Variants in MANBA observed in about 807,000 individuals in gnomAD.
MANBA encodes beta-mannosidase.
MANBA carries 83 observed loss-of-function variants against 111.1 expected under a neutral mutation model. The observed-to-expected ratio is 0.75, with a 90% confidence interval of 0.63 to 0.90. The LOEUF (loss-of-function observed/expected upper bound fraction) is 0.90. MANBA is among the 40% of genes least tolerant of loss of function. The pLI is 0.00. For missense variants in MANBA, 1,036 were observed against 1,069.0 expected (o/e 0.97, Z 0.43); for synonymous variants, 370 against 378.7 (o/e 0.98, Z 0.27).
chr4:102,712,399 G>A (rs1314619810), intron 5 of MANBA, among the ~76,000 whole-genome samples: 3 of 152,062 alleles, frequency 2.0e-5, no homozygotes, highest in Non-Finnish European at 2.9e-5. Flanking sequence ...AATTAAACCA[G>A]AGCAGTATTA....
At chr4:102,734,351 T>C in intron 1 of MANBA, 1 of 1,606,878 alleles carries the variant, frequency 6.2e-7, no homozygotes, top group Non-Finnish European at 8.5e-7. Context: ...AGCAAGCGAC[T>C]TGGGCCATGG....
At chr4:102,723,079 G>A in intron 3 of MANBA, 38 bp from the exon 4 acceptor site, 1 of 1,579,564 alleles carries the variant, frequency 6.3e-7, no homozygotes, top group Non-Finnish European at 8.7e-7. Flanking sequence ...CCCATGATGT[G>A]GAAGTAGTCT....
At chr4:102,750,725 C>A (rs1723758469) in intron 1 of MANBA, among the ~76,000 whole-genome samples, 1 of 152,076 alleles carries the variant, frequency 6.6e-6, no homozygotes, top group African/African-American at 2.4e-5. Flanking sequence ...CCAGCCTGTG[C>A]AACATAGGGA....
chr4:102,730,667 G>A, intron 1 of MANBA: 1 of 538,638 alleles, frequency 1.9e-6, no homozygotes. Flanking sequence ...GTGCTCGTGT[G>A]CTTCTTCCGG....
intron 5 of MANBA, among the ~76,000 whole-genome samples, chr4:102,699,045 T>G (rs910226206): frequency 7.2e-5 from 11 of 152,026 alleles, no homozygotes; most frequent in African/African-American, 2.7e-4. Context: ...AGCAGTGGTT[T>G]GTAGTTCTCC....
chr4:102,637,740 C>A, intron 14 of MANBA, among the ~76,000 whole-genome samples: 1 of 152,216 alleles, frequency 6.6e-6, no homozygotes, highest in South Asian at 2.1e-4. Flanking sequence ...CCATATATCT[C>A]TTCATACGGC....
intron 7 of MANBA, among the ~76,000 whole-genome samples, chr4:102,683,742 C>T (rs370340791): frequency 6.6e-6 from 1 of 152,130 alleles, no homozygotes; most frequent in East Asian, 1.9e-4. Context: ...GCTAACTCTC[C>T]CAGACTCACA....
chr4:102,700,116 T>C (rs1578915404), intron 5 of MANBA, among the ~76,000 whole-genome samples: 2 of 148,010 alleles, frequency 1.4e-5, no homozygotes, highest in South Asian at 4.4e-4. Context: ...AATTTATCCA[T>C]TTCTTCTAGA....
At position 102,639,767 on chromosome 4, in the gene MANBA, C is replaced by T. The variant is rs201295643; in HGVS notation, c.1960G>A (p.Ala654Thr). The T allele has an allele frequency of 7.4e-6, 12 of 1,614,108 alleles. No individual in the cohort carries two copies. The East Asian group carries it at 1.6e-4, about 21-fold the overall frequency. ...ATGTCATTCAACTGCCAATAAAGTG[C>T]CCCCATCGTGTGCCCTTGCTGATCC... ...IVDQQGHTMG[A>T]LYWQLNDIWQ... is the part of the protein sequence containing the mutation. Residue 654 changes from alanine to threonine, a missense_variant, in exon 14 of 17, where the codon GCA becomes ACA. Ala to Thr is a moderately conservative substitution (Grantham distance 58). Coordinates refer to ENST00000647097, the MANE Select transcript of MANBA (RefSeq NM_005908.4).
At chr4:102,655,906 C>T (rs1009389698) in intron 12 of MANBA, among the ~76,000 whole-genome samples, 1 of 151,920 alleles carries the variant, frequency 6.6e-6, no homozygotes, top group African/African-American at 2.4e-5. Flanking sequence ...AATCTTATAG[C>T]CAGAATATAT....
chr4:102,732,067 C>A (rs1417075967), intron 1 of MANBA, among the ~76,000 whole-genome samples: 1 of 152,180 alleles, frequency 6.6e-6, no homozygotes, highest in Non-Finnish European at 1.5e-5. Flanking sequence ...ACCACCACAC[C>A]TGGCTAATTT....
intron 11 of MANBA, among the ~76,000 whole-genome samples, chr4:102,661,240 A>G (rs1730939071): frequency 6.6e-6 from 1 of 152,194 alleles, no homozygotes; most frequent in South Asian, 2.1e-4. Flanking sequence ...TTTTACTCGA[A>G]AGCCTTTTTA....
intron 7 of MANBA, 114 bp downstream of exon 7, chr4:102,689,460 G>A (rs1192811810): frequency 4.6e-6 from 3 of 654,460 alleles, no homozygotes; most frequent in Non-Finnish European, 7.9e-6. Flanking sequence ...GATGATCTCT[G>A]ATGGGTGGGG....
At chr4:102,738,655 A>G (rs979436860) in intron 1 of MANBA, among the ~76,000 whole-genome samples, 3 of 152,234 alleles carry the variant, frequency 2.0e-5, no homozygotes, top group Admixed American at 1.3e-4. Context: ...AATGAGAAGG[A>G]ACCAGTTAAA....
rs73836831 is a variant in MANBA, at chr4:102,683,554, C to A, written c.960+6020G>T. On this transcript the variant is annotated intron_variant, in intron 7 of 16. Transcript: ENST00000647097. ...AGTTCATTAAAACACGTTACCTAGT[C>A]AATTCAGTACAATCAATTAGTAGGA... is the stretch of plus-strand genomic sequence containing the variant. Among the ~76,000 whole-genome samples, 1,360 of 152,270 alleles carry A rather than the reference C, an allele frequency of 8.9e-3. 25 individuals carry two copies. Among genetic ancestry groups the A allele is most frequent in the African/African-American group, 0.031 (1,290 of 41,538 alleles).
At chr4:102,662,091 T>C (rs938927929) in intron 11 of MANBA, among the ~76,000 whole-genome samples, 2 of 152,056 alleles carry the variant, frequency 1.3e-5, no homozygotes, top group Non-Finnish European at 2.9e-5. Flanking sequence ...ATTTCAGAGG[T>C]AAAAAAGAAA....
chr4:102,749,988 A>T (rs1279313732), intron 1 of MANBA, among the ~76,000 whole-genome samples: 1 of 152,218 alleles, frequency 6.6e-6, no homozygotes, highest in African/African-American at 2.4e-5. Context: ...GTCCAGGTTT[A>T]AGGATCAGGA....
chr4:102,692,871 A>G (rs1034992307), intron 5 of MANBA, among the ~76,000 whole-genome samples: 8 of 152,130 alleles, frequency 5.3e-5, no homozygotes, highest in Non-Finnish European at 7.4e-5. Context: ...AAAGAAAAAA[A>G]AAAAAGCTAG....
rs1348541673 is a variant in MANBA at position 102,657,752 on chromosome 4, A to T, written c.1634T>A (p.Val545Asp). 6.2e-7 allele frequency: 1 copy of T among 1,613,830 alleles called. No individual in the cohort carries two copies. Among genetic ancestry groups the T allele is most frequent in the African/African-American group, 1.3e-5 (1 of 74,908 alleles). Reference protein sequence around the residue: ...DYISDCWNWKVFPKARFASEY... With the variant: ...DYISDCWNWKDFPKARFASEY... ...AGATGCAAATCGAGCTTTTGGGAAA[A>T]CTTTCCAGTTCCAGCAATCACTGAT... The change falls in exon 12 of 17, where the codon GTT becomes GAT. Residue 545 changes from valine to aspartate, a missense_variant. Coordinates refer to ENST00000647097, the MANE Select transcript of MANBA (RefSeq NM_005908.4).
Sources: gnomAD v4.1 joint callset for allele counts (sites outside exome capture counted in the v4.1 genomes callset) on GRCh38, gnomAD v4.1.1 for gene constraint, MANE v1.5 for transcripts, NCBI Gene and HGNC (gene_info 2026-07-23, HGNC 2026-07-21) for gene names.